PIEZO2: variants seen among roughly 807,000 people sequenced by gnomAD.
The protein encoded by PIEZO2 is piezo-type mechanosensitive ion channel component 2.
In PIEZO2, 172 loss-of-function variants were observed where a neutral mutation model predicts 337.3. The ratio of observed to expected loss-of-function variants is 0.51; its 90% confidence interval spans 0.45 to 0.58. PIEZO2 has a LOEUF of 0.58. Among genes scored for constraint, PIEZO2 ranks in the 20% least tolerant of loss-of-function variants. The probability of loss-of-function intolerance (pLI) is 0.00; values close to 1 mark genes in which losing one functional copy is unlikely to be tolerated. For missense variants in PIEZO2, 3,028 were observed against 3,391.3 expected, an observed-to-expected ratio of 0.89 and a Z score of 2.66; for synonymous variants, 1,251 against 1,228.5, an observed-to-expected ratio of 1.02 and a Z score of -0.38.
At chr18:11,064,868 A>C (rs2038099343) in intron 2 of PIEZO2, among the ~76,000 whole-genome samples, 1 of 152,262 alleles carries the variant, frequency 6.6e-6, no homozygotes, top group African/African-American at 2.4e-5. Flanking sequence ...ACCGTAGAAT[A>C]GTAGTTGCCT....
chr18:10,801,042 TTCTG>T (rs1328703076), intron 10 of PIEZO2, among the ~76,000 whole-genome samples: 1 of 152,260 alleles, frequency 6.6e-6, no homozygotes, highest in Non-Finnish European at 1.5e-5. Context: ...TGTTTCATCC[TTCTG>T]TCTCTTTGGC....
chr18:11,082,154 A>G (rs944654333), intron 1 of PIEZO2, among the ~76,000 whole-genome samples: 1 of 152,222 alleles, frequency 6.6e-6, no homozygotes. Context: ...TGCATGCTGC[A>G]GCTACTTTAT....
At position 10,677,978 on chromosome 18, in the gene PIEZO2, T is replaced by C. The variant is rs192629741; in HGVS notation, c.7953-103A>G. On this transcript the variant is annotated intron_variant, in intron 52 of 55. Transcript: ENST00000674853. The surrounding 1 kb of genome is among the most constrained non-coding windows in gnomAD (Gnocchi z 4.1). ...TTAATTTGATTAATGTCACCACGTT[T>C]TCATTGGGTCCACAACGGTCAATCC... 208 of 1,168,724 alleles carry C rather than the reference T, an allele frequency of 1.8e-4. No individual in the cohort carries two copies. In the African/African-American group the frequency reaches 3.1e-3, roughly 17 times the overall value. 72.4% of individuals were successfully genotyped at this position (1,168,724 alleles called of 1,614,324 possible).
chr18:10,902,010 C>T (rs912070533), intron 4 of PIEZO2, among the ~76,000 whole-genome samples: 3 of 152,076 alleles, frequency 2.0e-5, no homozygotes, highest in South Asian at 2.1e-4. Flanking sequence ...TGTTAAGAGA[C>T]GGGTCACACA....
chr18:10,706,377 T>C (rs968054282), intron 40 of PIEZO2, among the ~76,000 whole-genome samples: 1 of 152,186 alleles, frequency 6.6e-6, no homozygotes, highest in Non-Finnish European at 1.5e-5. Flanking sequence ...CTGCGGAATC[T>C]CCACCCTCGT....
intron 3 of PIEZO2, among the ~76,000 whole-genome samples, chr18:10,977,737 G>T (rs1448522485): frequency 6.6e-6 from 1 of 152,132 alleles, no homozygotes; most frequent in African/African-American, 2.4e-5. Context: ...ATACAGCCAA[G>T]AAAAGGGTTA....
chr18:10,903,621 C>T lies in PIEZO2; in HGVS notation c.329+7565G>A, dbSNP rs936525304. On this transcript the variant is annotated intron_variant, in intron 4 of 55. Transcript: ENST00000674853. The surrounding 1 kb of genome is among the most constrained non-coding windows in gnomAD (Gnocchi z 4.1). The stretch of plus-strand genomic sequence containing the variant: ...GGAGGAGGCAGAGCTTGCAGTGAGC[C>T]GAGATCACACCACTGCACTCCAGCC... Among the ~76,000 whole-genome samples the T allele has an allele frequency of 7.3e-5, 11 of 151,132 alleles. No homozygotes were observed. Among genetic ancestry groups the T allele is most frequent in the African/African-American group, 1.7e-4 (7 of 41,048 alleles).
chr18:10,864,189 A>C (rs566320472), intron 5 of PIEZO2, among the ~76,000 whole-genome samples: 28 of 152,306 alleles, frequency 1.8e-4, no homozygotes, highest in African/African-American at 5.8e-4. Context: ...CAGAGAAGGT[A>C]CTGTTTCAGA....
intron 7 of PIEZO2, among the ~76,000 whole-genome samples, chr18:10,818,026 T>C (rs1469905044): frequency 6.6e-6 from 1 of 151,988 alleles, no homozygotes; most frequent in African/African-American, 2.4e-5. Flanking sequence ...ATATGCTAAA[T>C]AAAGTATATA....
chr18:10,975,263 C>T (rs1200857737), intron 3 of PIEZO2, among the ~76,000 whole-genome samples: 4 of 152,200 alleles, frequency 2.6e-5, no homozygotes, highest in Admixed American at 1.3e-4. Flanking sequence ...ACTAACATCG[C>T]CACACATCTA....
chr18:11,050,309 T>C (rs1480358344), intron 2 of PIEZO2, among the ~76,000 whole-genome samples: 1 of 152,184 alleles, frequency 6.6e-6, no homozygotes, highest in Non-Finnish European at 1.5e-5. Flanking sequence ...ATAAGCCTAA[T>C]GGTATAAGCA....
chr18:11,053,713 C>T (rs12606683), intron 2 of PIEZO2, among the ~76,000 whole-genome samples: 30,005 of 152,162 alleles, frequency 0.2, 3,653 homozygotes, highest in South Asian at 0.32. Context: ...TTATAAGGAA[C>T]CTGTAATATA....
At chr18:10,891,099 G>A (rs1404708775) in intron 4 of PIEZO2, among the ~76,000 whole-genome samples, 5 of 152,232 alleles carry the variant, frequency 3.3e-5, no homozygotes, top group Non-Finnish European at 4.4e-5. Flanking sequence ...TTGGGAGGCC[G>A]AGGCAGGTGG....
chr18:10,720,352 CTA>C (rs2036220627), intron 36 of PIEZO2, among the ~76,000 whole-genome samples: 1 of 81,736 alleles, frequency 1.2e-5, no homozygotes, highest in Non-Finnish European at 2.6e-5. Context: ...TATATATGTC[CTA>C]TATATATTCT....
At chr18:10,797,604 A>G (rs1468664699) in intron 11 of PIEZO2, 82 bp from the exon 12 acceptor site, 4 of 1,498,516 alleles carry the variant, frequency 2.7e-6, no homozygotes, top group Non-Finnish European at 3.5e-6. Flanking sequence ...CAGCACATGT[A>G]TGGTTTTGGT....
chr18:11,046,536 G>A (rs2037323425), intron 2 of PIEZO2, among the ~76,000 whole-genome samples: 1 of 152,218 alleles, frequency 6.6e-6, no homozygotes, highest in African/African-American at 2.4e-5. Context: ...ACAAGTAATT[G>A]TGGAAGTGAG....
chr18:11,139,407 C>T (rs113847595), intron 1 of PIEZO2, among the ~76,000 whole-genome samples: 13 of 151,796 alleles, frequency 8.6e-5, no homozygotes, highest in African/African-American at 2.7e-4. Flanking sequence ...GTAGAGCAGG[C>T]CCTGAGAAAG....
intron 3 of PIEZO2, among the ~76,000 whole-genome samples, chr18:10,934,354 G>A (rs1408521979): frequency 6.6e-6 from 1 of 152,200 alleles, no homozygotes; most frequent in Non-Finnish European, 1.5e-5. Context: ...ACCAGGCGCA[G>A]AAGCAGGTCC....
At position 11,001,934 on chromosome 18, in the gene PIEZO2, G is replaced by GAAGGAAGGAAGC. The variant is rs1555691382; in HGVS notation, c.161-22275_161-22274insGCTTCCTTCCTT. 2.5e-5 allele frequency among the ~76,000 whole-genome samples: 3 copies of GAAGGAAGGAAGC among 122,414 alleles called. No individual in the cohort carries two copies. Among genetic ancestry groups the GAAGGAAGGAAGC allele is most frequent in the African/African-American group, 8.1e-5 (3 of 36,884 alleles). The allele number at this position is 122,414 out of a possible 152,430, so 80.3% of individuals were successfully genotyped here. ...GGAAGGAAGGAAGGAAGGAAGGAAG[G>GAAGGAAGGAAGC]AAGGAAGGAAGGAAGAAAAAAAGAC... On this transcript the variant is annotated intron_variant, in intron 2 of 55. Transcript: ENST00000674853. This position sits in a 1 kb window ranked among gnomAD's most constrained non-coding sequence, Gnocchi z 5.3.
Sources: allele counts gnomAD v4.1 joint callset (sites outside exome capture counted in the v4.1 genomes callset), GRCh38; gene constraint gnomAD v4.1.1; non-coding constraint Gnocchi (gnomAD v3.1); transcripts MANE v1.5; gene names NCBI Gene and HGNC (gene_info 2026-07-23, HGNC 2026-07-21).